ME1: variants seen among roughly 807,000 people sequenced by gnomAD.
The protein encoded by ME1 is NADP-dependent malic enzyme.
ME1 carries 74 observed loss-of-function variants against 66.4 expected under a neutral mutation model. The observed-to-expected ratio is 1.11, with a 90% CI of 0.92 to 1.35. The LOEUF (loss-of-function observed/expected upper bound fraction) is 1.35. ME1 is among the 40% of genes most tolerant of loss of function. The pLI, the probability that ME1 is intolerant of heterozygous loss-of-function variation, is 0.00. For synonymous variants in ME1, 251 were observed against 235.6 expected (o/e 1.07, Z -0.60); for missense variants, 750 against 694.1 (o/e 1.08, Z -0.90).
At chr6:83,430,811 C>T (rs917713362) in intron 1 of ME1, 66 bp downstream of exon 1, 7 of 1,404,576 alleles carry the variant, frequency 5.0e-6, no homozygotes, top group Non-Finnish European at 6.9e-6. Context: ...GTGCGGGGAC[C>T]TGCAAGAGGG....
chr6:83,376,493 CAAAA>C (rs60227281), intron 3 of ME1, among the ~76,000 whole-genome samples: 1 of 118,260 alleles, frequency 8.5e-6, no homozygotes, highest in Non-Finnish European at 1.8e-5. Context: ...GAAACTCTGT[CAAAA>C]AAAAAAAAAA....
At chr6:83,264,400 G>A (rs188231937) in intron 6 of ME1, among the ~76,000 whole-genome samples, 131 of 152,266 alleles carry the variant, frequency 8.6e-4, no homozygotes, top group Non-Finnish European at 1.7e-3. Flanking sequence ...CATACATAGA[G>A]AGGCAATTTA....
chr6:83,238,060 C>G (rs917776515), intron 8 of ME1, among the ~76,000 whole-genome samples: 2 of 152,106 alleles, frequency 1.3e-5, no homozygotes, highest in Non-Finnish European at 2.9e-5. Context: ...TGTATTTAAT[C>G]CTGTTAATAC....
chr6:83,279,001 C>G lies in ME1; in HGVS notation c.705-25263G>C, dbSNP rs76955988. On this transcript the variant is annotated intron_variant, in intron 6 of 13. Coordinates refer to ENST00000369705, the MANE Select transcript of ME1 (RefSeq NM_002395.6). The stretch of plus-strand genomic sequence containing the variant: ...TAGGACTATAGTAAACAACCCCTTC[C>G]CCCCCAACCCTATCACTGCCCCAAC... 1.8e-3 allele frequency among the ~76,000 whole-genome samples: 273 copies of G among 152,154 alleles called. 5 individuals are homozygous for G. The East Asian group carries it at 0.042, about 23-fold the overall frequency.
chr6:83,263,341 T>C (rs1766930847), intron 6 of ME1, among the ~76,000 whole-genome samples: 1 of 152,100 alleles, frequency 6.6e-6, no homozygotes, highest in Non-Finnish European at 1.5e-5. Context: ...AAAGGAAAAG[T>C]CACACATCTC....
intron 1 of ME1, among the ~76,000 whole-genome samples, chr6:83,430,152 AT>A (rs981632150): frequency 9.9e-5 from 15 of 151,618 alleles, no homozygotes; most frequent in African/African-American, 1.7e-4. Flanking sequence ...TCTAAACAAA[AT>A]TTTTTTTTAA....
rs2128551520 is a variant in ME1 at position 83,404,860 on chromosome 6, G to C, written c.212+2908C>G. On this transcript the variant is annotated intron_variant, in intron 2 of 13. Coordinates refer to ENST00000369705, the MANE Select transcript of ME1 (RefSeq NM_002395.6). The stretch of plus-strand genomic sequence containing the variant: ...CTGAGGCCTCTGTTCTGTTCCATTG[G>C]TCTATATACCTGTTTTGGTACCAGT... Among the ~76,000 whole-genome samples the C allele has an allele frequency of 3.3e-5, 5 of 152,198 alleles. 1 individual carries two copies. In the South Asian group the frequency reaches 1.0e-3, roughly 32 times the overall value.
At chr6:83,386,630 ATTATAATTG>A (rs1410250782) in intron 3 of ME1, among the ~76,000 whole-genome samples, 2 of 151,994 alleles carry the variant, frequency 1.3e-5, no homozygotes, top group Admixed American at 1.3e-4. Flanking sequence ...GACAGTTTAC[ATTATAATTG>A]TCAAATAACA....
At chr6:83,374,487 C>T (rs1769250865) in intron 3 of ME1, among the ~76,000 whole-genome samples, 1 of 151,990 alleles carries the variant, frequency 6.6e-6, no homozygotes, top group Non-Finnish European at 1.5e-5. Flanking sequence ...CTTGTAAATT[C>T]TGGATATTAG....
chr6:83,257,845 T>C (rs1045650725), intron 6 of ME1, among the ~76,000 whole-genome samples: 1 of 152,172 alleles, frequency 6.6e-6, no homozygotes, highest in Non-Finnish European at 1.5e-5. Context: ...AAGTAAAGAC[T>C]GTGAGCCTTT....
In ME1 at chr6:83,281,806, C is replaced by CAAAAAAAAAAAAA. The variant is rs140157932; in HGVS notation, c.705-28081_705-28069dup. Among the ~76,000 whole-genome samples, 9 of 13,288 alleles carry CAAAAAAAAAAAAA rather than the reference C, an allele frequency of 6.8e-4. 1 individual carries two copies. Among genetic ancestry groups the CAAAAAAAAAAAAA allele is most frequent in the African/African-American group, 9.8e-4 (3 of 3,050 alleles). The allele number at this position is 13,288 out of a possible 152,430, so 8.7% of individuals were successfully genotyped here. A position where few individuals can be genotyped will look rare whatever the true frequency, so the allele number is the denominator to read the frequency against. ...GGGTGACAGACTGAGACTCTGTCTC[C>CAAAAAAAAAAAAA]AAAAAAAAAAAAAAAAAAAAAAAAA... is the stretch of plus-strand genomic sequence containing the variant. On this transcript the variant is annotated intron_variant, in intron 6 of 13. Coordinates refer to ENST00000369705, the MANE Select transcript of ME1 (RefSeq NM_002395.6).
chr6:83,412,739 C>T (rs1770076520), intron 1 of ME1, among the ~76,000 whole-genome samples: 1 of 152,082 alleles, frequency 6.6e-6, no homozygotes, highest in Non-Finnish European at 1.5e-5. Flanking sequence ...CAAAAGGCTA[C>T]ATACTGTATG....
chr6:83,332,036 C>G (rs1412583809), intron 5 of ME1, among the ~76,000 whole-genome samples: 2 of 152,040 alleles, frequency 1.3e-5, no homozygotes, highest in African/African-American at 4.8e-5. Flanking sequence ...ATGACATGTT[C>G]TAAAGAAAAT....
chr6:83,307,110 T>C (rs757914427), intron 6 of ME1, among the ~76,000 whole-genome samples: 3 of 152,054 alleles, frequency 2.0e-5, no homozygotes, highest in Admixed American at 1.3e-4. Flanking sequence ...TACTGAAGTA[T>C]ACATCCACTT....
rs1164612961 is a variant in ME1, at chr6:83,363,915, G to A, written c.363-11776C>T. ...AGGAAGGATAGTTGTATTATGTTAA[G>A]CATAATTATGACCTTATTATTGTCT... On this transcript the variant is annotated intron_variant, in intron 3 of 13. Coordinates refer to ENST00000369705, the MANE Select transcript of ME1 (RefSeq NM_002395.6). Among the ~76,000 whole-genome samples the A allele has an allele frequency of 3.9e-5, 6 of 152,164 alleles. No individual in the cohort carries two copies. The South Asian group carries it at 6.2e-4, about 16-fold the overall frequency.
At chr6:83,429,100 A>T (rs1770431312) in intron 1 of ME1, among the ~76,000 whole-genome samples, 1 of 152,118 alleles carries the variant, frequency 6.6e-6, no homozygotes, top group Admixed American at 6.5e-5. Flanking sequence ...AGTCTGTACT[A>T]AAAGTACAAA....
At position 83,281,207 on chromosome 6, in the gene ME1, G is replaced by A. The variant is rs143113033; in HGVS notation, c.705-27469C>T. Among the ~76,000 whole-genome samples the A allele has an allele frequency of 6.6e-3, 1,002 of 152,184 alleles. 11 individuals are homozygous for A. The highest frequency in any genetic ancestry group is 0.023 in the African/African-American group (951 of 41,526). ...GCAGATTTAGGAAGACTTATGCCAT[G>A]GTAAAATTTCATGGATGTTTAATAT... On this transcript the variant is annotated intron_variant, in intron 6 of 13. Coordinates refer to ENST00000369705, the MANE Select transcript of ME1 (RefSeq NM_002395.6).
At chr6:83,334,113 C>T (rs1044787233) in intron 5 of ME1, among the ~76,000 whole-genome samples, 4 of 152,038 alleles carry the variant, frequency 2.6e-5, no homozygotes, top group Non-Finnish European at 4.4e-5. Flanking sequence ...GTGCGTGCAC[C>T]GTGCGCGAGC....
chr6:83,320,689 T>C (rs746888037), intron 5 of ME1, among the ~76,000 whole-genome samples: 1 of 152,180 alleles, frequency 6.6e-6, no homozygotes, highest in African/African-American at 2.4e-5. Context: ...AATTACACAA[T>C]TGAGAAAAAA....
Sources: gnomAD v4.1 joint callset for allele counts (sites outside exome capture counted in the v4.1 genomes callset) on GRCh38, gnomAD v4.1.1 for gene constraint, MANE v1.5 for transcripts, NCBI Gene and HGNC (gene_info 2026-07-23, HGNC 2026-07-21) for gene names.